Variants in REC114 observed in about 807,000 individuals in gnomAD.
REC114 encodes REC114 meiotic recombination protein, also known as meiotic recombination protein REC114.
In REC114, 27 loss-of-function variants were observed where a neutral mutation model predicts 31.3. That is an observed-to-expected ratio of 0.86 (90% CI 0.64 to 1.19). The LOEUF is 1.19. REC114 is among the 50% of genes most tolerant of loss of function. The pLI is 0.00. For missense variants in REC114, 344 were observed against 326.9 expected (o/e 1.05, Z -0.40); for synonymous variants, 134 against 127.7 (o/e 1.05, Z -0.33).
chr15:73,544,710 C>G (rs1018049011), intron 3 of REC114, among the ~76,000 whole-genome samples: 2 of 152,206 alleles, frequency 1.3e-5, no homozygotes, highest in Non-Finnish European at 2.9e-5. Flanking sequence ...TGAGTATTGC[C>G]TTTTAGTTTC....
intron 2 of REC114, among the ~76,000 whole-genome samples, chr15:73,497,420 G>A (rs775844220): frequency 3.9e-5 from 6 of 152,094 alleles, no homozygotes; most frequent in Non-Finnish European, 8.8e-5. Context: ...TCATTCTGTA[G>A]GTTATCCATC....
intron 1 of REC114, among the ~76,000 whole-genome samples, chr15:73,457,388 C>A (rs183334136): frequency 1.3e-5 from 2 of 152,284 alleles, no homozygotes; most frequent in East Asian, 3.9e-4. Context: ...GGAGGAGGTT[C>A]TGCAAGTGTC....
intron 2 of REC114, among the ~76,000 whole-genome samples, chr15:73,505,134 A>G (rs1441047471): frequency 6.6e-6 from 1 of 151,934 alleles, no homozygotes; most frequent in Non-Finnish European, 1.5e-5. Flanking sequence ...TTTATCTTTT[A>G]ATCCCATTAA....
chr15:73,528,645 C>T (rs1238775024), intron 2 of REC114, among the ~76,000 whole-genome samples: 1 of 152,084 alleles, frequency 6.6e-6, no homozygotes, highest in Non-Finnish European at 1.5e-5. Context: ...TGAAAAAATT[C>T]AGAATATTTT....
chr15:73,453,689 G>T (rs542903188), intron 1 of REC114, among the ~76,000 whole-genome samples: 1 of 151,968 alleles, frequency 6.6e-6, no homozygotes. Context: ...TTGCAGCACT[G>T]TTCACAATAG....
chr15:73,522,445 G>A (rs1893948884), intron 2 of REC114, among the ~76,000 whole-genome samples: 2 of 152,068 alleles, frequency 1.3e-5, no homozygotes, highest in Admixed American at 6.6e-5. Context: ...CCTTAAAAGG[G>A]TGCTCCTTCT....
chr15:73,508,184 T>C (rs1019397262), intron 2 of REC114, among the ~76,000 whole-genome samples: 5 of 152,146 alleles, frequency 3.3e-5, no homozygotes, highest in African/African-American at 1.2e-4. Flanking sequence ...TGGCGTCTGT[T>C]TGTTGAATGA....
intron 2 of REC114, among the ~76,000 whole-genome samples, chr15:73,501,666 G>A (rs1413958260): frequency 6.6e-6 from 1 of 152,002 alleles, no homozygotes; most frequent in African/African-American, 2.4e-5. Flanking sequence ...GCTGGTCTCC[G>A]TCTCCTGACC....
At position 73,556,286 on chromosome 15, in the gene REC114, T is replaced by C; in HGVS notation, c.547-16T>C. The C allele has an allele frequency of 6.2e-7, 1 of 1,608,118 alleles. No individual in the cohort carries two copies. The highest frequency in any genetic ancestry group is 8.5e-7 in the Non-Finnish European group (1 of 1,177,034). On this transcript the variant is annotated splice_polypyrimidine_tract_variant and intron_variant, in intron 4 of 5. Transcript: ENST00000331090. ...ACATTCAGCTAGTCTCCTTATTGCATGTTGTTTTATTCCAGTCCCACCAGC... is the reference window on the plus strand; with the variant it reads ...ACATTCAGCTAGTCTCCTTATTGCACGTTGTTTTATTCCAGTCCCACCAGC...
At chr15:73,550,843 C>A in intron 3 of REC114, 95 bp from the exon 4 acceptor site, 1 of 1,159,360 alleles carries the variant, frequency 8.6e-7, no homozygotes, top group Non-Finnish European at 1.3e-6. Flanking sequence ...TATACCTCTT[C>A]CTCCGCCAAG....
chr15:73,548,737 A>G (rs1044461745), intron 3 of REC114, among the ~76,000 whole-genome samples: 1 of 152,204 alleles, frequency 6.6e-6, no homozygotes, highest in Admixed American at 6.5e-5. Context: ...TCACACATGC[A>G]TGTTCTTTGT....
chr15:73,457,968 C>T (rs1756356881), intron 1 of REC114, among the ~76,000 whole-genome samples: 1 of 152,154 alleles, frequency 6.6e-6, no homozygotes, highest in Non-Finnish European at 1.5e-5. Context: ...TCACTGGAGC[C>T]AAGATTCCTC....
intron 2 of REC114, among the ~76,000 whole-genome samples, chr15:73,538,869 C>T (rs1894199241): frequency 6.6e-6 from 1 of 151,246 alleles, no homozygotes; most frequent in Admixed American, 6.6e-5. Flanking sequence ...ACCTTTGATG[C>T]ATACCTGAGT....
At position 73,446,944 on chromosome 15, in the gene REC114, C is replaced by G. The variant is rs146677594; in HGVS notation, c.159+3600C>G. Reference sequence around the variant, plus strand: ...GGATTCAGAAAGATCATTTAGAATGCTATTGCAGTGTTATAGGCAAGAGAT... The same window carrying G: ...GGATTCAGAAAGATCATTTAGAATGGTATTGCAGTGTTATAGGCAAGAGAT... On this transcript the variant is annotated intron_variant, in intron 1 of 5. Transcript: ENST00000331090. Among the ~76,000 whole-genome samples, 34 of 152,266 alleles carry G rather than the reference C, an allele frequency of 2.2e-4. No individual in the cohort carries two copies. The East Asian group carries it at 5.8e-3, about 26-fold the overall frequency.
At chr15:73,477,914 G>A (rs1893236324) in intron 2 of REC114, among the ~76,000 whole-genome samples, 1 of 152,040 alleles carries the variant, frequency 6.6e-6, no homozygotes, top group African/African-American at 2.4e-5. Context: ...ATGGATCTTA[G>A]GCAATTTACT....
intron 1 of REC114, among the ~76,000 whole-genome samples, chr15:73,445,345 G>A (rs1277300716): frequency 6.6e-6 from 1 of 152,206 alleles, no homozygotes; most frequent in African/African-American, 2.4e-5. Context: ...TTAAGGGAAT[G>A]TTGTGACTGG....
intron 2 of REC114, among the ~76,000 whole-genome samples, chr15:73,538,196 C>T (rs1390345857): frequency 1.3e-5 from 2 of 152,114 alleles, no homozygotes; most frequent in African/African-American, 2.4e-5. Flanking sequence ...CTACATTTCA[C>T]TTTAACTATT....
chr15:73,485,567 A>G (rs1395536197), intron 2 of REC114, among the ~76,000 whole-genome samples: 1 of 152,084 alleles, frequency 6.6e-6, no homozygotes, highest in Non-Finnish European at 1.5e-5. Flanking sequence ...TGTCCTTGAG[A>G]TATTGAGTGA....
chr15:73,466,697 A>C (rs1893065737), intron 1 of REC114, among the ~76,000 whole-genome samples: 1 of 152,248 alleles, frequency 6.6e-6, no homozygotes, highest in Non-Finnish European at 1.5e-5. Flanking sequence ...AATAAATTTC[A>C]ATGTTAAAGA....
Sources: gnomAD v4.1 joint callset for allele counts (sites outside exome capture counted in the v4.1 genomes callset) on GRCh38, gnomAD v4.1.1 for gene constraint, MANE v1.5 for transcripts, NCBI Gene and HGNC (gene_info 2026-07-23, HGNC 2026-07-21) for gene names.